Variants in ZNF385B observed in about 807,000 individuals in gnomAD.
The protein encoded by ZNF385B is zinc finger protein 533.
ZNF385B carries 23 observed loss-of-function variants against 39.2 expected under a neutral mutation model. The observed-to-expected ratio is 0.59, with a 90% CI of 0.42 to 0.83. ZNF385B has a LOEUF of 0.83. ZNF385B is among the 40% of genes least tolerant of loss of function. ZNF385B has a pLI of 0.00. For synonymous variants in ZNF385B, 205 were observed against 222.6 expected (o/e 0.92, Z 0.70); for missense variants, 552 against 598.9 (o/e 0.92, Z 0.82).
chr2:179,660,920 G>T (rs1429360068), intron 3 of ZNF385B, among the ~76,000 whole-genome samples: 2 of 152,104 alleles, frequency 1.3e-5, no homozygotes, highest in Non-Finnish European at 2.9e-5. Flanking sequence ...TTTAGCAATT[G>T]TTTTTATATT....
chr2:179,446,082 T>A (rs1236312170), intron 7 of ZNF385B, among the ~76,000 whole-genome samples: 1 of 152,170 alleles, frequency 6.6e-6, no homozygotes, highest in African/African-American at 2.4e-5. Context: ...CCTGAAAATT[T>A]CACATAGCAA....
At chr2:179,593,228 GA>G (rs551175242) in intron 3 of ZNF385B, among the ~76,000 whole-genome samples, 4 of 151,976 alleles carry the variant, frequency 2.6e-5, no homozygotes, top group South Asian at 2.1e-4. Context: ...AATTGTAAAT[GA>G]AAAAAATATT....
intron 4 of ZNF385B, among the ~76,000 whole-genome samples, chr2:179,520,921 T>C (rs2058441713): frequency 6.6e-6 from 1 of 152,172 alleles, no homozygotes; most frequent in East Asian, 1.9e-4. Context: ...TATTACTCCT[T>C]TCAAAAAATA....
Position 179,769,560 on chromosome 2 carries a change from T to G in ZNF385B, c.241A>C (p.Ser81Arg), listed in dbSNP as rs1404950801. Residue 81 changes from serine to arginine, a missense_variant, in exon 3 of 10, where the codon AGT becomes CGT. Physicochemically the swap from Ser to Arg is moderately radical, Grantham distance 110. Coordinates refer to ENST00000410066, the MANE Select transcript of ZNF385B (RefSeq NM_152520.6). ...GCGGGTGGTGGGGGCTGCCCATCAC[T>G]CAGCTGCTTCACTCGTTTGCGGTGG... Reference protein sequence around the residue: ...KSHRKRVKQLSDGQPPPPAQA... With the variant: ...KSHRKRVKQLRDGQPPPPAQA... 6.2e-7 allele frequency: 1 copy of G among 1,614,032 alleles called. No individual in the cohort carries two copies. Among genetic ancestry groups the G allele is most frequent in the Non-Finnish European group, 8.5e-7 (1 of 1,180,022 alleles).
chr2:179,861,005 A>C (rs1310253037), intron 1 of ZNF385B, 96 bp downstream of exon 1: 1 of 167,606 alleles, frequency 6.0e-6, no homozygotes. Flanking sequence ...CGGCGCGCCC[A>C]GGTGCAGGCT....
At chr2:179,699,215 C>T (rs1249905792) in intron 3 of ZNF385B, among the ~76,000 whole-genome samples, 1 of 152,106 alleles carries the variant, frequency 6.6e-6, no homozygotes, top group African/African-American at 2.4e-5. Flanking sequence ...CACCACCATT[C>T]ACTTCTAGAA....
chr2:179,641,231 T>G (rs2106219850), intron 3 of ZNF385B, among the ~76,000 whole-genome samples: 1 of 152,232 alleles, frequency 6.6e-6, no homozygotes, highest in East Asian at 1.9e-4. Flanking sequence ...TTCAATCATA[T>G]TCCTTTGTTT....
intron 3 of ZNF385B, among the ~76,000 whole-genome samples, chr2:179,590,048 A>G (rs1221511120): frequency 6.6e-6 from 1 of 152,200 alleles, no homozygotes; most frequent in Non-Finnish European, 1.5e-5. Context: ...CATCTCTGCT[A>G]TTGTGTGGGG....
At chr2:179,487,214 G>GA (rs1284920469) in intron 5 of ZNF385B, among the ~76,000 whole-genome samples, 4 of 152,332 alleles carry the variant, frequency 2.6e-5, no homozygotes, top group Non-Finnish European at 5.9e-5. Context: ...GGCCAAGATG[G>GA]AAAAAACTCT....
intron 3 of ZNF385B, among the ~76,000 whole-genome samples, chr2:179,633,633 A>G (rs1444271803): frequency 2.0e-5 from 3 of 152,230 alleles, no homozygotes; most frequent in African/African-American, 7.2e-5. Flanking sequence ...TTCCCTTTGA[A>G]AACTGGCATA....
intron 3 of ZNF385B, among the ~76,000 whole-genome samples, chr2:179,724,376 A>G (rs1700874625): frequency 6.6e-6 from 1 of 152,200 alleles, no homozygotes; most frequent in African/African-American, 2.4e-5. Flanking sequence ...TTGTGATAAT[A>G]TGTGGTTATC....
intron 3 of ZNF385B, among the ~76,000 whole-genome samples, chr2:179,617,628 G>A (rs1400419918): frequency 6.6e-6 from 1 of 152,100 alleles, no homozygotes; most frequent in East Asian, 1.9e-4. Flanking sequence ...GTACGCCTAG[G>A]AGGAGGCCTG....
rs191916940 is a variant in ZNF385B at position 179,608,795 on chromosome 2, A to C, written c.299-63826T>G. Among the ~76,000 whole-genome samples, 193 of 151,938 alleles carry C rather than the reference A, an allele frequency of 1.3e-3. 2 individuals carry two copies. The Middle Eastern group carries it at 0.017, about 13-fold the overall frequency. On this transcript the variant is annotated intron_variant, in intron 3 of 9. Transcript: ENST00000410066. ...AGCAAAGTTCTCAAAGATGAGAATAAGACAGACCTCATCACCATTACAATG... is the reference window on the plus strand; with the variant it reads ...AGCAAAGTTCTCAAAGATGAGAATACGACAGACCTCATCACCATTACAATG...
chr2:179,588,556 A>G (rs1221391806), intron 3 of ZNF385B, among the ~76,000 whole-genome samples: 1 of 152,122 alleles, frequency 6.6e-6, no homozygotes, highest in East Asian at 1.9e-4. Context: ...CTTACCCACC[A>G]TGATTGCTAA....
At chr2:179,587,243 T>C (rs1375718947) in intron 3 of ZNF385B, among the ~76,000 whole-genome samples, 1 of 152,160 alleles carries the variant, frequency 6.6e-6, no homozygotes, top group African/African-American at 2.4e-5. Context: ...TGTCTCAGAT[T>C]AAGAAGTTAC....
intron 1 of ZNF385B, among the ~76,000 whole-genome samples, chr2:179,849,649 G>A (rs1027138818): frequency 2.6e-5 from 4 of 152,118 alleles, no homozygotes; most frequent in African/African-American, 7.2e-5. Flanking sequence ...AGTTATCACC[G>A]GTATTTCTTT....
Position 179,518,518 on chromosome 2 carries a change from T to G in ZNF385B, c.552+10A>C. Reference sequence around the variant, plus strand: ...CAAACTACAGAGAATAATGAAAAGGTGATACTCACATCTGAGTTAAAGCGA... The same window carrying G: ...CAAACTACAGAGAATAATGAAAAGGGGATACTCACATCTGAGTTAAAGCGA... On this transcript the variant is annotated intron_variant, in intron 5 of 9. Transcript: ENST00000410066. The G allele has an allele frequency of 1.3e-6, 2 of 1,555,296 alleles. No homozygotes were observed. The highest frequency in any genetic ancestry group is 1.8e-6 in the Non-Finnish European group (2 of 1,138,022).
intron 3 of ZNF385B, among the ~76,000 whole-genome samples, chr2:179,643,146 A>G (rs1692416507): frequency 6.6e-6 from 1 of 151,686 alleles, no homozygotes; most frequent in Non-Finnish European, 1.5e-5. Context: ...TTTTTGGTCA[A>G]TTACAACATT....
At chr2:179,662,501 C>G (rs114217138) in intron 3 of ZNF385B, among the ~76,000 whole-genome samples, 1 of 151,696 alleles carries the variant, frequency 6.6e-6, no homozygotes. Flanking sequence ...CTTTACCAGG[C>G]GCTTGATATT....
Sources: allele counts gnomAD v4.1 joint callset (sites outside exome capture counted in the v4.1 genomes callset), GRCh38; gene constraint gnomAD v4.1.1; transcripts MANE v1.5; gene names NCBI Gene and HGNC (gene_info 2026-07-23, HGNC 2026-07-21).